The following RGS6 variants were observed in gnomAD, a reference collection of about 807,000 sequenced individuals.
RGS6 encodes regulator of G-protein signaling 6.
In RGS6, 30 loss-of-function variants were observed where a neutral mutation model predicts 78.5. The observed-to-expected ratio is 0.38, with a 90% CI of 0.29 to 0.52. The LOEUF (loss-of-function observed/expected upper bound fraction) is 0.52. RGS6 is among the 20% of genes least tolerant of loss of function. The pLI is 0.85. For synonymous variants in RGS6, 206 were observed against 206.0 expected, an observed-to-expected ratio of 1.00 and a Z score of 0.00; for missense variants, 495 against 609.7, an observed-to-expected ratio of 0.81 and a Z score of 1.98.
intron 10 of RGS6, among the ~76,000 whole-genome samples, chr14:72,475,224 G>A (rs1246705812): frequency 2.7e-5 from 2 of 75,016 alleles, no homozygotes; most frequent in East Asian, 4.0e-4. Context: ...TTTTTTTTTG[G>A]ATAGAGCTGG....
chr14:72,272,483 C>G (rs1269947238), intron 2 of RGS6, among the ~76,000 whole-genome samples: 1 of 152,214 alleles, frequency 6.6e-6, no homozygotes, highest in Non-Finnish European at 1.5e-5. Flanking sequence ...CTTTCATCCT[C>G]TAGCCTTCCA....
intron 2 of RGS6, among the ~76,000 whole-genome samples, chr14:72,190,963 C>T (rs1010769343): frequency 6.6e-6 from 1 of 152,180 alleles, no homozygotes; most frequent in Non-Finnish European, 1.5e-5. Context: ...AGTTCCCTTT[C>T]ATCACTAGCA....
At chr14:72,229,126 C>T (rs2048886222) in intron 2 of RGS6, among the ~76,000 whole-genome samples, 2 of 152,076 alleles carry the variant, frequency 1.3e-5, no homozygotes, top group Admixed American at 6.6e-5. Flanking sequence ...TTCCACTGTC[C>T]CCCAATAGTA....
intron 2 of RGS6, among the ~76,000 whole-genome samples, chr14:72,050,460 G>A (rs956396228): frequency 1.3e-5 from 2 of 152,158 alleles, no homozygotes; most frequent in African/African-American, 2.4e-5. Context: ...ATGTAAGGGG[G>A]GGATTGAGGT....
At chr14:72,596,797 T>C in the RGS6 span, among the ~76,000 whole-genome samples, 1 of 152,166 alleles carries the variant, frequency 6.6e-6, no homozygotes, top group Non-Finnish European at 1.5e-5. Context: ...AGTTATTATT[T>C]TACAGAGGAT....
rs1188674101 is a variant in RGS6 at position 72,478,164 on chromosome 14, G to A, written c.793-104G>A. On this transcript the variant is annotated intron_variant, in intron 11 of 17. Transcript: ENST00000553525. ...GGGAGTTGGAGATGTCTGGCCAGAG[G>A]AGGTATTTGGATCTTGGTGGAAATG... 6 of 761,976 alleles carry A rather than the reference G, an allele frequency of 7.9e-6. No individual in the cohort carries two copies. In the East Asian group the frequency reaches 1.1e-4, roughly 13 times the overall value. 47.2% of individuals were successfully genotyped at this position (761,976 alleles called of 1,614,324 possible).
rs555405570 is a variant in RGS6, at chr14:71,932,516, C to T, written c.-446C>T. On this transcript the variant is annotated 5_prime_UTR_variant, in exon 1 of 18. Coordinates refer to ENST00000553525, the MANE Select transcript of RGS6 (RefSeq NM_001204424.2). ...CCTGGGCGCCGCGTTCCTACAGCCG[C>T]CGGAGCCGCCAGGCGCCGAGGGAAC... 2 of 152,138 alleles carry T rather than the reference C, an allele frequency of 1.3e-5. No homozygotes were observed. Among genetic ancestry groups the T allele is most frequent in the African/African-American group, 2.4e-5 (1 of 41,548 alleles). The allele number at this position is 152,138 out of a possible 1,614,324, so 9.4% of individuals were successfully genotyped here.
the RGS6 span, chr14:71,908,573 G>C: frequency 7.7e-6 from 1 of 130,420 alleles, no homozygotes; most frequent in Non-Finnish European, 1.5e-5. Context: ...GTATAGAACA[G>C]TCAGTGTCTG....
At chr14:71,999,824 A>G (rs1479930756) in intron 2 of RGS6, among the ~76,000 whole-genome samples, 3 of 150,822 alleles carry the variant, frequency 2.0e-5, no homozygotes, top group African/African-American at 4.9e-5. Context: ...TGCTAGCATC[A>G]TGCTTCCTGT....
At chr14:72,189,218 A>T (rs1468806064) in intron 2 of RGS6, among the ~76,000 whole-genome samples, 5 of 152,224 alleles carry the variant, frequency 3.3e-5, no homozygotes, top group Admixed American at 1.3e-4. Flanking sequence ...ATTTACAAAT[A>T]AGGCACAATT....
At chr14:72,551,483 TA>T (rs1362543658) in intron 17 of RGS6, among the ~76,000 whole-genome samples, 3 of 152,174 alleles carry the variant, frequency 2.0e-5, no homozygotes, top group Admixed American at 6.5e-5. Context: ...CACCTGGAGT[TA>T]AATGTCAAAA....
chr14:72,058,790 A>C (rs564457726), intron 2 of RGS6, among the ~76,000 whole-genome samples: 4 of 152,358 alleles, frequency 2.6e-5, no homozygotes, highest in African/African-American at 9.6e-5. Flanking sequence ...CTTTACCCAT[A>C]TTATGGATTA....
intron 9 of RGS6, among the ~76,000 whole-genome samples, chr14:72,473,165 C>T (rs987975584): frequency 2.0e-5 from 3 of 152,162 alleles, no homozygotes; most frequent in African/African-American, 7.2e-5. Context: ...TTCATTCGGC[C>T]GGGCATGGCG....
chr14:72,060,897 G>A (rs2093862246), intron 2 of RGS6, among the ~76,000 whole-genome samples: 1 of 152,028 alleles, frequency 6.6e-6, no homozygotes, highest in African/African-American at 2.4e-5. Context: ...CTATCCATTG[G>A]TTGCCATCTA....
In RGS6 at chr14:71,981,961, G is replaced by A. The variant is rs572016867; in HGVS notation, c.84+17086G>A. 8.4e-4 allele frequency among the ~76,000 whole-genome samples: 128 copies of A among 151,482 alleles called. 1 individual carries two copies. Among genetic ancestry groups the A allele is most frequent in the South Asian group, 1.3e-3 (6 of 4,758 alleles). ...AGACTCCGTGGGCGTAGGACCCTCC[G>A]AGCCAGGTGTGGGATATAATCTCGT... On this transcript the variant is annotated intron_variant, in intron 2 of 17. Coordinates refer to ENST00000553525, the MANE Select transcript of RGS6 (RefSeq NM_001204424.2).
chr14:72,489,127 A>G (rs1172187167), intron 12 of RGS6, among the ~76,000 whole-genome samples: 1 of 149,594 alleles, frequency 6.7e-6, no homozygotes, highest in African/African-American at 2.5e-5. Context: ...TGGAATGGCC[A>G]GGGCAGATGT....
intron 2 of RGS6, among the ~76,000 whole-genome samples, chr14:72,155,415 G>A (rs12880584): frequency 0.13 from 19,507 of 152,212 alleles, 1,424 homozygotes; most frequent in South Asian, 0.19. Flanking sequence ...TTAAAGGCCA[G>A]CTTATTCAAC....
At chr14:72,614,478 G>A in the RGS6 span, among the ~76,000 whole-genome samples, 1 of 152,088 alleles carries the variant, frequency 6.6e-6, no homozygotes, top group African/African-American at 2.4e-5. Flanking sequence ...TCCCTTCCCA[G>A]CTACTGGTGT....
At chr14:72,619,386 C>T in the RGS6 span, 35 of 1,536,052 alleles carry the variant, frequency 2.3e-5, no homozygotes, top group East Asian at 7.6e-4. Context: ...AATGAGACGG[C>T]TTTAGTAGCA....
Sources: gnomAD v4.1 joint callset for allele counts (sites outside exome capture counted in the v4.1 genomes callset) on GRCh38, gnomAD v4.1.1 for gene constraint, MANE v1.5 for transcripts, NCBI Gene and HGNC (gene_info 2026-07-23, HGNC 2026-07-21) for gene names.